POMT1: variants seen among roughly 807,000 people sequenced by gnomAD.
POMT1 encodes the protein protein O-mannosyltransferase 1.
In POMT1, 85 loss-of-function variants were observed where a neutral mutation model predicts 101.6. The observed-to-expected ratio is 0.84, with a 90% CI of 0.70 to 1.00. The LOEUF is 1.00. Ranked by LOEUF, POMT1 falls within the 50% of genes least tolerant of loss-of-function variation. The pLI, the probability that POMT1 is intolerant of heterozygous loss-of-function variation, is 0.00. For missense variants in POMT1, 857 were observed against 930.4 expected (o/e 0.92, Z 1.03); for synonymous variants, 371 against 383.0 (o/e 0.97, Z 0.37).
chr9:131,517,958 A>G (rs1949081821), intron 13 of POMT1, among the ~76,000 whole-genome samples: 1 of 152,258 alleles, frequency 6.6e-6, no homozygotes. Context: ...GTGAGGCTCC[A>G]GTATGTCAGG....
chr9:131,509,987 T>C lies in POMT1; in HGVS notation c.690T>C (p.Thr230=). ...VHAWHLLGDQ[T]LSNVCVFCHL... is the part of the protein sequence containing the mutation. ...CCTGGCACCTGCTTGGAGACCAGAC[T>C]TTGTCCAATGTAGGTGCTGATGTCC... Residue 230 remains threonine, a synonymous_variant, in exon 8 of 20, where the codon ACT becomes ACC. Transcript: ENST00000402686. The C allele has an allele frequency of 6.2e-7, 1 of 1,614,206 alleles. No individual in the cohort carries two copies. The highest frequency in any genetic ancestry group is 8.5e-7 in the Non-Finnish European group (1 of 1,180,030).
chr9:131,518,887 C>T lies in POMT1; in HGVS notation c.1416C>T (p.Val472=), dbSNP rs139687326. The part of the protein sequence containing the change: ...PDWGYRQLEI[V]GEKLSRGYHG... ...GGGGGTATCGGCAACTGGAGATCGT[C>T]GGGGAGAAGCTGTCCCGGGGCTACC... Residue 472 remains valine, a synonymous_variant, in exon 15 of 20, where the codon GTC becomes GTT. Transcript: ENST00000402686. 3.8e-4 allele frequency: 608 copies of T among 1,613,906 alleles called. 4 individuals carry two copies. In the African/African-American group the frequency reaches 7.2e-3, roughly 19 times the overall value.
At chr9:131,504,924 C>T (rs1945446743) in intron 2 of POMT1, among the ~76,000 whole-genome samples, 1 of 151,804 alleles carries the variant, frequency 6.6e-6, no homozygotes, top group South Asian at 2.1e-4. Context: ...ATTACAGGTG[C>T]CCGCCACCAC....
chr9:131,507,810 T>C (rs1946186183), intron 5 of POMT1, among the ~76,000 whole-genome samples: 1 of 152,200 alleles, frequency 6.6e-6, no homozygotes, highest in Non-Finnish European at 1.5e-5. Flanking sequence ...TGTGACCAAA[T>C]GATAACTTCC....
intron 2 of POMT1, 37 bp downstream of exon 2, chr9:131,504,377 A>G: frequency 6.2e-7 from 1 of 1,614,020 alleles, no homozygotes; most frequent in Non-Finnish European, 8.5e-7. Flanking sequence ...GTGAATCTAG[A>G]ATTGTACTTT....
chr9:131,516,501 CT>C (rs1948715769), intron 13 of POMT1: 2 of 154,786 alleles, frequency 1.3e-5, no homozygotes, highest in South Asian at 1.7e-4. Flanking sequence ...ATCATTTTTC[CT>C]TTTTTTCAGT....
intron 12 of POMT1, among the ~76,000 whole-genome samples, chr9:131,514,624 G>A (rs992051361): frequency 3.3e-5 from 5 of 152,194 alleles, no homozygotes; most frequent in Non-Finnish European, 5.9e-5. Context: ...TGCATGGTGC[G>A]GTACCACATG....
Position 131,523,095 on chromosome 9 carries a change from C to T in POMT1, c.2167C>T (p.Arg723Ter), listed in dbSNP as rs202202445. Residue 723 changes from arginine (R) to a stop codon, truncating the protein, a stop_gained, in exon 20 of 20, where the codon CGA becomes TGA. Coordinates refer to ENST00000402686, the MANE Select transcript of POMT1 (RefSeq NM_001077365.2). LOFTEE classifies it high-confidence loss of function. Reference protein sequence around the residue: ...RWKDSWDILIRKH With the variant: ...RWKDSWDILI ...GAAAGACAGCTGGGACATCTTGATC[C>T]GAAAACACTAGAACAAGAGTGTGGC... 71 of 1,611,020 alleles carry T rather than the reference C, an allele frequency of 4.4e-5. No homozygotes were observed. The highest frequency in any genetic ancestry group is 3.5e-4 in the Admixed American group (21 of 59,938).
chr9:131,504,103 G>A (rs921186634), intron 1 of POMT1, 86 bp from the exon 2 acceptor site: 95 of 1,510,506 alleles, frequency 6.3e-5, no homozygotes, highest in Middle Eastern at 4.1e-4. Flanking sequence ...GGTTCTCCTC[G>A]TGTGTCCGGG....
chr9:131,510,606 C>G, intron 9 of POMT1, 191 bp downstream of exon 9: 1 of 749,430 alleles, frequency 1.3e-6, no homozygotes, highest in Non-Finnish European at 2.2e-6. Flanking sequence ...TGGCTTCAAG[C>G]GATTCTCCTA....
intron 5 of POMT1, among the ~76,000 whole-genome samples, chr9:131,508,255 G>A (rs1037109203): frequency 6.7e-6 from 1 of 148,542 alleles, no homozygotes; most frequent in Non-Finnish European, 1.5e-5. Context: ...TAAATAAGCC[G>A]GGCACGGTGG....
At position 131,522,011 on chromosome 9, in the gene POMT1, C is replaced by G. The variant is rs1486236620; in HGVS notation, c.1826-36C>G. 3 of 1,612,834 alleles carry G rather than the reference C, an allele frequency of 1.9e-6. No individual in the cohort carries two copies. The East Asian group carries it at 6.7e-5, about 36-fold the overall frequency. On this transcript the variant is annotated intron_variant, in intron 18 of 19. Coordinates refer to ENST00000402686, the MANE Select transcript of POMT1 (RefSeq NM_001077365.2). This position sits in a 1 kb window ranked among gnomAD's most constrained non-coding sequence, Gnocchi z 5.5. Reference sequence around the variant, plus strand: ...AGAGAGAAGACCCGGCCTGTGGGAGCAGCAGAGTCGGTGTAGCTCGAGCCC... The same window carrying G: ...AGAGAGAAGACCCGGCCTGTGGGAGGAGCAGAGTCGGTGTAGCTCGAGCCC...
intron 11 of POMT1, 44 bp from the exon 12 acceptor site, chr9:131,513,195 G>A: frequency 6.5e-7 from 1 of 1,533,720 alleles, no homozygotes; most frequent in Non-Finnish European, 9.0e-7. Flanking sequence ...GTTAGTTCGA[G>A]GGGACCAGGC....
At chr9:131,511,889 T>C in intron 10 of POMT1, 152 bp from the exon 11 acceptor site, 2 of 762,274 alleles carry the variant, frequency 2.6e-6, no homozygotes, top group Non-Finnish European at 4.4e-6. Context: ...CTTTTTCTCA[T>C]AAATAGACAC....
At position 131,521,709 on chromosome 9, in the gene POMT1, T is replaced by C. The variant is rs113453750; in HGVS notation, c.1825+237T>C. On this transcript the variant is annotated intron_variant, in intron 18 of 19. Transcript: ENST00000402686. The stretch of plus-strand genomic sequence containing the variant: ...TTCTGTATTGTGGAATCTTAAATTA[T>C]GTTTGTCTCCCAAGAGACAAAATGT... 9.5e-3 allele frequency among the ~76,000 whole-genome samples: 1,454 copies of C among 152,336 alleles called. 28 individuals are homozygous for C. Among genetic ancestry groups the C allele is most frequent in the African/African-American group, 0.032 (1,331 of 41,582 alleles).
At chr9:131,513,482 G>A (rs941701813) in intron 12 of POMT1, 151 bp downstream of exon 12, 42 of 810,724 alleles carry the variant, frequency 5.2e-5, no homozygotes, top group Admixed American at 1.0e-4. Flanking sequence ...ATTTGATGCC[G>A]GGAGGGGACC....
Position 131,510,385 on chromosome 9 carries a change from C to A in POMT1, c.825C>A (p.Ile275=). The A allele has an allele frequency of 3.1e-6, 5 of 1,614,182 alleles. No homozygotes were observed. Among genetic ancestry groups the A allele is most frequent in the Non-Finnish European group, 4.2e-6 (5 of 1,179,996 alleles). The stretch of plus-strand genomic sequence containing the variant: ...TCCGCTCTGGGCCCCACGACCAAAT[C>A]ATGTCCAGTGCCTTCCAGGCCAGCT... ...LVFRSGPHDQ[I]MSSAFQASLE... The change falls in exon 9 of 20, where the codon ATC becomes ATA. Residue 275 remains isoleucine (I), a synonymous_variant. Transcript: ENST00000402686.
Position 131,520,183 on chromosome 9 carries a change from C to T in POMT1, c.1688C>T (p.Pro563Leu). 6.2e-7 allele frequency: 1 copy of T among 1,613,038 alleles called. No homozygotes were observed. Among genetic ancestry groups the T allele is most frequent in the South Asian group, 1.1e-5 (1 of 91,076 alleles). The change falls in exon 17 of 20, where the codon CCC (proline) becomes CTC (leucine). Residue 563 changes from proline (P) to leucine (L), a missense_variant. Physicochemically the swap from Pro to Leu is moderately conservative, Grantham distance 98. Coordinates refer to ENST00000402686, the MANE Select transcript of POMT1 (RefSeq NM_001077365.2). ...LDTNIAYWLH[P>L]RTSAQIHLLG... ...ACCAATATTGCCTACTGGCTGCACCCCAGGACCAGCGTAAGCGAGCGATGC... is the reference window on the plus strand; with the variant it reads ...ACCAATATTGCCTACTGGCTGCACCTCAGGACCAGCGTAAGCGAGCGATGC...
Position 131,509,819 on chromosome 9 carries a change from G to GC in POMT1, c.605+13dup, listed in dbSNP as rs563743147. Reference sequence around the variant, plus strand: ...TTCCTGTGCAGTGGGGTGAGTTTGAGCCTCTGGTCTTGGGCAGTGTCCTCC... The same window carrying GC: ...TTCCTGTGCAGTGGGGTGAGTTTGAGCCCTCTGGTCTTGGGCAGTGTCCTCC... On this transcript the variant is annotated intron_variant, in intron 7 of 19. Coordinates refer to ENST00000402686, the MANE Select transcript of POMT1 (RefSeq NM_001077365.2). 4.5e-5 allele frequency: 73 copies of GC among 1,614,232 alleles called. 2 individuals are homozygous for GC. The South Asian group carries it at 7.2e-4, about 16-fold the overall frequency.
Sources: allele counts gnomAD v4.1 joint callset (sites outside exome capture counted in the v4.1 genomes callset), GRCh38; gene constraint gnomAD v4.1.1; non-coding constraint Gnocchi (gnomAD v3.1); transcripts MANE v1.5; gene names NCBI Gene and HGNC (gene_info 2026-07-23, HGNC 2026-07-21).